Variants in LEKR1 observed in about 807,000 individuals in gnomAD.
LEKR1 encodes protein LEKR1.
In LEKR1, 59 loss-of-function variants were observed where a neutral mutation model predicts 72.4. The observed-to-expected ratio is 0.82, with a 90% CI of 0.66 to 1.01. LEKR1 has a LOEUF of 1.01. LEKR1 is among the 50% of genes least tolerant of loss of function. The pLI is 0.00. For missense variants in LEKR1, 728 were observed against 759.2 expected, an observed-to-expected ratio of 0.96 and a Z score of 0.48; for synonymous variants, 257 against 263.2, an observed-to-expected ratio of 0.98 and a Z score of 0.23.
intron 6 of LEKR1, among the ~76,000 whole-genome samples, chr3:156,967,849 G>GA (rs1728774509): frequency 6.6e-6 from 1 of 152,068 alleles, no homozygotes; most frequent in African/African-American, 2.4e-5. Flanking sequence ...TGAAATGAAG[G>GA]AAAAAATGTT....
chr3:156,959,178 A>G (rs1727903557), intron 6 of LEKR1, among the ~76,000 whole-genome samples: 2 of 152,196 alleles, frequency 1.3e-5, no homozygotes, highest in Non-Finnish European at 2.9e-5. Flanking sequence ...TCAGGTTAAT[A>G]TAATGGACAT....
chr3:156,826,406 G>A (rs1379323722), intron 1 of LEKR1, 30 bp downstream of exon 1: 1 of 153,132 alleles, frequency 6.5e-6, no homozygotes, highest in Non-Finnish European at 1.5e-5. Context: ...CTCAGCCTGG[G>A]ATGACCCGGT....
intron 5 of LEKR1, among the ~76,000 whole-genome samples, chr3:156,939,103 C>G (rs1219392591): frequency 1.3e-5 from 2 of 151,992 alleles, no homozygotes; most frequent in Non-Finnish European, 2.9e-5. Flanking sequence ...GAATTGTGTC[C>G]CCCTCCCCAA....
intron 3 of LEKR1, among the ~76,000 whole-genome samples, chr3:156,856,892 T>C (rs1229085351): frequency 6.6e-6 from 1 of 152,104 alleles, no homozygotes; most frequent in East Asian, 1.9e-4. Flanking sequence ...CCAATAGTTA[T>C]ACCCTTTTCC....
intron 3 of LEKR1, among the ~76,000 whole-genome samples, chr3:156,919,690 C>T (rs1724008570): frequency 6.6e-6 from 1 of 152,126 alleles, no homozygotes; most frequent in Non-Finnish European, 1.5e-5. Context: ...TACATGCTAA[C>T]AAATCTTATT....
At chr3:157,007,365 A>G (rs1166890414) in intron 9 of LEKR1, among the ~76,000 whole-genome samples, 1 of 152,188 alleles carries the variant, frequency 6.6e-6, no homozygotes, top group Non-Finnish European at 1.5e-5. Flanking sequence ...AAAGAGGCAC[A>G]TTTCAGAGAG....
intron 3 of LEKR1, 64 bp from the exon 4 acceptor site, chr3:156,920,511 A>T: frequency 2.0e-6 from 2 of 980,076 alleles, no homozygotes; most frequent in Non-Finnish European, 2.9e-6. Flanking sequence ...AAGTATATTT[A>T]AATGTTAACT....
chr3:156,939,882 T>C (rs568569144), intron 5 of LEKR1, among the ~76,000 whole-genome samples: 10 of 152,322 alleles, frequency 6.6e-5, no homozygotes, highest in African/African-American at 2.4e-4. Context: ...AATCTAGAAT[T>C]AGGCTTAGAA....
chr3:156,957,807 T>C (rs1392893585), intron 6 of LEKR1, among the ~76,000 whole-genome samples: 1 of 152,182 alleles, frequency 6.6e-6, no homozygotes. Context: ...TCTCTCTCCT[T>C]TTAAAGAGAG....
chr3:157,008,542 C>T (rs954287845), intron 9 of LEKR1, among the ~76,000 whole-genome samples: 7 of 152,140 alleles, frequency 4.6e-5, no homozygotes, highest in Admixed American at 1.3e-4. Context: ...TCTTTTGCTT[C>T]TTCCCAATTC....
chr3:156,831,976 T>G (rs1014815194), intron 2 of LEKR1, among the ~76,000 whole-genome samples: 2 of 152,206 alleles, frequency 1.3e-5, no homozygotes, highest in African/African-American at 4.8e-5. Flanking sequence ...TTAATCTGTG[T>G]GTTATGGAAA....
At chr3:157,010,453 A>G (rs2108022262) in intron 9 of LEKR1, among the ~76,000 whole-genome samples, 1 of 152,202 alleles carries the variant, frequency 6.6e-6, no homozygotes, top group South Asian at 2.1e-4. Context: ...TTGGTTTTTG[A>G]TGTATAAAAT....
chr3:156,992,876 T>G (rs2108009621), intron 8 of LEKR1, 146 bp downstream of exon 8: 1 of 398,644 alleles, frequency 2.5e-6, no homozygotes, highest in East Asian at 4.0e-5. Context: ...TATATTATCT[T>G]GCAGTTGGTT....
chr3:157,013,526 TC>T (rs1733070029), intron 10 of LEKR1, among the ~76,000 whole-genome samples: 3 of 152,164 alleles, frequency 2.0e-5, no homozygotes, highest in Admixed American at 6.6e-5. Flanking sequence ...ATGATATCTT[TC>T]TAATGAATTA....
chr3:156,934,789 A>G (rs1725546880), intron 5 of LEKR1, among the ~76,000 whole-genome samples: 1 of 152,042 alleles, frequency 6.6e-6, no homozygotes, highest in Non-Finnish European at 1.5e-5. Context: ...GAGCTTTCTA[A>G]ACTTTCTTTC....
chr3:156,879,156 C>T (rs1341252737), intron 3 of LEKR1, among the ~76,000 whole-genome samples: 1 of 152,096 alleles, frequency 6.6e-6, no homozygotes, highest in Non-Finnish European at 1.5e-5. Flanking sequence ...CAGAAGAAGA[C>T]AGGAAAATGT....
chr3:156,927,609 G>C lies in LEKR1; in HGVS notation c.559+5G>C. ...TAAGTGAAACAGCCTTGACAGGTTT[G>C]TTACATATATTTAGAATATAATTGT... is the stretch of plus-strand genomic sequence containing the variant. On this transcript the variant is annotated splice_donor_5th_base_variant and intron_variant, in intron 5 of 12. Transcript: ENST00000356539. The C allele has an allele frequency of 3.4e-6, 4 of 1,180,702 alleles. No homozygotes were observed. Among genetic ancestry groups the C allele is most frequent in the Non-Finnish European group, 4.3e-6 (4 of 929,210 alleles). The allele number at this position is 1,180,702 out of a possible 1,614,324, so 73.1% of individuals were successfully genotyped here. A position where few individuals can be genotyped will look rare whatever the true frequency, so the allele number is the denominator to read the frequency against.
chr3:156,840,423 A>G (rs1284734468), intron 2 of LEKR1, among the ~76,000 whole-genome samples: 2 of 152,228 alleles, frequency 1.3e-5, no homozygotes, highest in Non-Finnish European at 2.9e-5. Flanking sequence ...CTTGCAATCC[A>G]TACATTGTTA....
intron 6 of LEKR1, among the ~76,000 whole-genome samples, chr3:156,953,300 A>G (rs890605206): frequency 1.3e-5 from 2 of 151,562 alleles, no homozygotes; most frequent in African/African-American, 4.8e-5. Flanking sequence ...AGTTTAGTGC[A>G]TTTGTTACAA....
Sources: gnomAD v4.1 joint callset for allele counts (sites outside exome capture counted in the v4.1 genomes callset) on GRCh38, gnomAD v4.1.1 for gene constraint, MANE v1.5 for transcripts, NCBI Gene and HGNC (gene_info 2026-07-23, HGNC 2026-07-21) for gene names.